The following NETO1 variants were observed in gnomAD, a reference collection of about 807,000 sequenced individuals.
The protein encoded by NETO1 is neuropilin and tolloid like 1.
A neutral mutation model predicts 61.3 loss-of-function variants in NETO1; 26 were observed. The observed-to-expected ratio is 0.42, with a 90% confidence interval of 0.31 to 0.59. NETO1 has a LOEUF of 0.59. Among genes scored for constraint, NETO1 ranks in the 20% least tolerant of loss-of-function variants. The pLI is 0.12. For synonymous variants in NETO1, 225 were observed against 225.8 expected (o/e 1.00, Z 0.03); for missense variants, 531 against 662.8 (o/e 0.80, Z 2.18).
intron 4 of NETO1, among the ~76,000 whole-genome samples, chr18:72,857,990 C>T (rs1237413564): frequency 2.6e-5 from 4 of 152,102 alleles, no homozygotes; most frequent in Admixed American, 2.0e-4. Context: ...ACCAACTTTA[C>T]ATATATTTGA....
intron 4 of NETO1, among the ~76,000 whole-genome samples, chr18:72,850,911 C>A (rs1473307201): frequency 6.6e-6 from 1 of 152,110 alleles, no homozygotes; most frequent in Non-Finnish European, 1.5e-5. Context: ...GTAGATTAGC[C>A]AACAGTCCCA....
intron 4 of NETO1, among the ~76,000 whole-genome samples, chr18:72,800,322 G>C (rs2072463282): frequency 6.6e-6 from 1 of 152,216 alleles, no homozygotes; most frequent in Non-Finnish European, 1.5e-5. Flanking sequence ...TAAAGTCAAG[G>C]CAGAATATCC....
chr18:72,768,345 T>C (rs2071234363), intron 7 of NETO1, among the ~76,000 whole-genome samples: 1 of 152,198 alleles, frequency 6.6e-6, no homozygotes, highest in South Asian at 2.1e-4. Flanking sequence ...TGTGTTAAGA[T>C]GTATCTTTAT....
chr18:72,766,995 C>T (rs1020676055), intron 7 of NETO1, among the ~76,000 whole-genome samples: 1 of 152,276 alleles, frequency 6.6e-6, no homozygotes, highest in South Asian at 2.1e-4. Flanking sequence ...ATGCTGATTA[C>T]TATTAGGCCC....
At chr18:72,790,012 G>C (rs1251419409) in intron 6 of NETO1, among the ~76,000 whole-genome samples, 1 of 152,148 alleles carries the variant, frequency 6.6e-6, no homozygotes, top group African/African-American at 2.4e-5. Context: ...TTTACTGTAA[G>C]AGACTATTTG....
At chr18:72,810,302 C>G (rs1230833671) in intron 4 of NETO1, among the ~76,000 whole-genome samples, 1 of 152,160 alleles carries the variant, frequency 6.6e-6, no homozygotes, top group Non-Finnish European at 1.5e-5. Flanking sequence ...AATGGGGACT[C>G]TACTCGAAAA....
intron 7 of NETO1, among the ~76,000 whole-genome samples, chr18:72,761,827 A>G (rs1038363456): frequency 1.3e-5 from 2 of 152,210 alleles, no homozygotes; most frequent in Non-Finnish European, 2.9e-5. Context: ...ACTTTATAAT[A>G]AATTCTTTGG....
chr18:72,834,278 A>C, intron 4 of NETO1: 1 of 819,012 alleles, frequency 1.2e-6, no homozygotes, highest in African/African-American at 1.8e-5. Flanking sequence ...CTATCCCTAC[A>C]ATAATAACAG....
At chr18:72,858,762 T>G (rs1342286011) in intron 4 of NETO1, 64 bp downstream of exon 4, 3 of 1,447,768 alleles carry the variant, frequency 2.1e-6, no homozygotes, top group Non-Finnish European at 2.8e-6. Flanking sequence ...TACACAAGAT[T>G]TTGTACTATG....
intron 4 of NETO1, among the ~76,000 whole-genome samples, chr18:72,847,401 G>A (rs1384692896): frequency 1.3e-5 from 2 of 151,970 alleles, no homozygotes; most frequent in African/African-American, 2.4e-5. Flanking sequence ...GGTGGGAAGC[G>A]AGCCAGCTGA....
chr18:72,847,172 T>A lies in NETO1; in HGVS notation c.469+11654A>T, dbSNP rs113783489. ...AATAGAAAACAGAAGAGAAGTGACA[T>A]ATTTATGACTAATATATCCTCCTGC... is the stretch of plus-strand genomic sequence containing the variant. On this transcript the variant is annotated intron_variant, in intron 4 of 10. Coordinates refer to ENST00000327305, the MANE Select transcript of NETO1 (RefSeq NM_138966.5). Among the ~76,000 whole-genome samples the A allele has an allele frequency of 2.3e-3, 356 of 152,358 alleles. 4 individuals are homozygous for A. Among genetic ancestry groups the A allele is most frequent in the African/African-American group, 8.3e-3 (345 of 41,572 alleles).
rs1341296691 is a variant in NETO1, at chr18:72,841,733, C to CAA, written c.469+17091_469+17092dup. 6.8e-3 allele frequency among the ~76,000 whole-genome samples: 486 copies of CAA among 70,986 alleles called. 121 individuals are homozygous for CAA. Among genetic ancestry groups the CAA allele is most frequent in the Middle Eastern group, 0.038 (2 of 52 alleles). The allele number at this position is 70,986 out of a possible 152,430, so 46.6% of individuals were successfully genotyped here. ...TGGGAGACAGAGTGAGACTCTACCTCAACAAAAAAAAAAAAAAAAAAAAAG... is the reference window on the plus strand; with the variant it reads ...TGGGAGACAGAGTGAGACTCTACCTCAAAACAAAAAAAAAAAAAAAAAAAAAG... On this transcript the variant is annotated intron_variant, in intron 4 of 10. Coordinates refer to ENST00000327305, the MANE Select transcript of NETO1 (RefSeq NM_138966.5).
At chr18:72,775,746 CA>C (rs1287201061) in intron 7 of NETO1, among the ~76,000 whole-genome samples, 1 of 152,168 alleles carries the variant, frequency 6.6e-6, no homozygotes, top group Non-Finnish European at 1.5e-5. Flanking sequence ...CAAGAGAAAT[CA>C]TGGATTAGGA....
At chr18:72,754,955 C>A (rs534070912) in intron 8 of NETO1, among the ~76,000 whole-genome samples, 1 of 152,230 alleles carries the variant, frequency 6.6e-6, no homozygotes, top group Non-Finnish European at 1.5e-5. Context: ...ATAGGCATAA[C>A]CTCCATAAAC....
At chr18:72,778,453 T>G (rs934252742) in intron 7 of NETO1, among the ~76,000 whole-genome samples, 13 of 152,342 alleles carry the variant, frequency 8.5e-5, no homozygotes, top group Non-Finnish European at 1.3e-4. Context: ...TTCTTGAATT[T>G]TATGACAGGC....
At chr18:72,807,747 CA>C (rs1568215672) in intron 4 of NETO1, among the ~76,000 whole-genome samples, 8 of 46,248 alleles carry the variant, frequency 1.7e-4, no homozygotes, top group African/African-American at 2.5e-4. Flanking sequence ...CACACACACA[CA>C]CACACACCCA....
At chr18:72,752,784 T>C (rs1477108120) in intron 8 of NETO1, among the ~76,000 whole-genome samples, 2 of 152,082 alleles carry the variant, frequency 1.3e-5, no homozygotes, top group Non-Finnish European at 2.9e-5. Context: ...AGGACAATGC[T>C]CATCAAATAG....
chr18:72,839,047 C>A (rs753211880), intron 4 of NETO1, among the ~76,000 whole-genome samples: 8 of 152,148 alleles, frequency 5.3e-5, no homozygotes, highest in Non-Finnish European at 8.8e-5. Flanking sequence ...CCTACTGTAC[C>A]ACTAAGCATT....
At chr18:72,748,188 C>T in intron 10 of NETO1, 24 bp from the exon 11 acceptor site, 3 of 983,114 alleles carry the variant, frequency 3.1e-6, no homozygotes, top group Non-Finnish European at 3.6e-6. Flanking sequence ...ACAGTTAAAA[C>T]ATTTTCTCCC....
Sources: allele counts gnomAD v4.1 joint callset (sites outside exome capture counted in the v4.1 genomes callset), GRCh38; gene constraint gnomAD v4.1.1; transcripts MANE v1.5; gene names NCBI Gene and HGNC (gene_info 2026-07-23, HGNC 2026-07-21).